Variants in LPA observed in about 807,000 individuals in gnomAD.
LPA encodes the protein lipoprotein(a).
A neutral mutation model predicts 197.9 loss-of-function variants in LPA; 199 were observed. That is an observed-to-expected ratio of 1.01 (90% CI 0.90 to 1.13). The LOEUF (loss-of-function observed/expected upper bound fraction) is 1.13, where lower values mean the gene tolerates loss of function less well. Among genes scored for constraint, LPA ranks in the 50% most tolerant of loss-of-function variants. The pLI, the probability that LPA is intolerant of heterozygous loss-of-function variation, is 0.00. For synonymous variants in LPA, 715 were observed against 639.5 expected (o/e 1.12, Z -1.78); for missense variants, 1,853 against 1,785.8 (o/e 1.04, Z -0.68).
At chr6:160,663,768 A>G (rs901420693) in intron 1 of LPA, among the ~76,000 whole-genome samples, 2 of 152,228 alleles carry the variant, frequency 1.3e-5, no homozygotes, top group African/African-American at 4.8e-5. Context: ...GAGTTATTTC[A>G]TTGTTTCAAC....
chr6:160,661,069 C>A (rs1445417563), intron 1 of LPA, among the ~76,000 whole-genome samples: 1 of 150,008 alleles, frequency 6.7e-6, no homozygotes, highest in Non-Finnish European at 1.5e-5. Flanking sequence ...ACTGAGCATC[C>A]CCTGTCCTGA....
rs1562354285 is a variant in LPA at position 160,653,951 on chromosome 6, T to TATATATAATATATATTATATATA, written c.50-3477_50-3455dup. Among the ~76,000 whole-genome samples, 8 of 30,640 alleles carry TATATATAATATATATTATATATA rather than the reference T, an allele frequency of 2.6e-4. 1 individual carries two copies. Among genetic ancestry groups the TATATATAATATATATTATATATA allele is most frequent in the Non-Finnish European group, 3.6e-4 (6 of 16,638 alleles). The allele number at this position is 30,640 out of a possible 152,430, so 20.1% of individuals were successfully genotyped here. A position where few individuals can be genotyped will look rare whatever the true frequency, so the allele number is the denominator to read the frequency against. On this transcript the variant is annotated intron_variant, in intron 1 of 38. Coordinates refer to ENST00000316300, the MANE Select transcript of LPA (RefSeq NM_005577.4). ...GGATATATATATATTTTATATATATTATATATAATATATATTATATATAAT... is the reference window on the plus strand; with the variant it reads ...GGATATATATATATTTTATATATATTATATATAATATATATTATATATAATATATAATATATATTATATATAAT...
intron 34 of LPA, among the ~76,000 whole-genome samples, chr6:160,541,383 A>T (rs1333210347): frequency 6.6e-6 from 1 of 152,204 alleles, no homozygotes; most frequent in South Asian, 2.1e-4. Context: ...CATCTGTGCC[A>T]CTTTTTTTGA....
intron 1 of LPA, among the ~76,000 whole-genome samples, chr6:160,659,211 G>C (rs1489357075): frequency 1.3e-5 from 2 of 152,160 alleles, no homozygotes; most frequent in Non-Finnish European, 1.5e-5. Flanking sequence ...TCTACAGCTT[G>C]GGGGCAGCAG....
chr6:160,609,552 C>T (rs558127686), intron 16 of LPA, among the ~76,000 whole-genome samples: 2 of 151,862 alleles, frequency 1.3e-5, no homozygotes, highest in East Asian at 1.9e-4. Context: ...CTATTTGATC[C>T]CTTTAGTTTC....
chr6:160,606,466 AG>A lies in LPA; in HGVS notation c.2785+10del. 6.2e-7 allele frequency: 1 copy of A among 1,613,240 alleles called. No individual in the cohort carries two copies. Among genetic ancestry groups the A allele is most frequent in the Non-Finnish European group, 8.5e-7 (1 of 1,179,726 alleles). ...TCGAAACGTGTAGGTTTCTGGCCAC[AG>A]GCTCCTTACCTTGTTCAGAAGGAGC... On this transcript the variant is annotated intron_variant, in intron 17 of 38. Transcript: ENST00000316300.
intron 28 of LPA, among the ~76,000 whole-genome samples, chr6:160,562,814 G>A (rs982298000): frequency 6.6e-6 from 1 of 152,120 alleles, no homozygotes; most frequent in Non-Finnish European, 1.5e-5. Context: ...ATGTGTCCAG[G>A]AATTTATCCA....
Position 160,604,326 on chromosome 6 carries a change from CT to C in LPA, c.2945+719del, listed in dbSNP as rs137912282. 3.9e-3 allele frequency among the ~76,000 whole-genome samples: 588 copies of C among 152,302 alleles called. 5 individuals are homozygous for C. Among genetic ancestry groups the C allele is most frequent in the African/African-American group, 0.013 (560 of 41,570 alleles). ...TATGGAGTTGATCTCATTGTTCCCC[CT>C]GTCACTATTCTTTTGGTCCACTACT... On this transcript the variant is annotated intron_variant, in intron 18 of 38. Coordinates refer to ENST00000316300, the MANE Select transcript of LPA (RefSeq NM_005577.4).
At chr6:160,535,344 A>T (rs1777873836) in intron 37 of LPA, among the ~76,000 whole-genome samples, 1 of 138,178 alleles carries the variant, frequency 7.2e-6, no homozygotes, top group South Asian at 2.4e-4. Context: ...GGTGATGGTG[A>T]TGTTGGTAGT....
intron 33 of LPA, among the ~76,000 whole-genome samples, chr6:160,544,977 T>C (rs573943421): frequency 3.9e-5 from 6 of 152,262 alleles, no homozygotes; most frequent in Admixed American, 1.3e-4. Flanking sequence ...GCACTACCCT[T>C]CATTGATTTC....
chr6:160,556,252 C>A, intron 29 of LPA, 68 bp from the exon 30 acceptor site: 2 of 1,447,598 alleles, frequency 1.4e-6, no homozygotes, highest in Non-Finnish European at 1.9e-6. Context: ...ATTTATGACA[C>A]AAACAGGACA....
chr6:160,607,054 T>C (rs1365568805), intron 16 of LPA, among the ~76,000 whole-genome samples: 1 of 152,030 alleles, frequency 6.6e-6, no homozygotes, highest in Non-Finnish European at 1.5e-5. Flanking sequence ...ATTTATCTAG[T>C]TCTCCGTATC....
intron 28 of LPA, among the ~76,000 whole-genome samples, chr6:160,564,730 G>A (rs1778421047): frequency 6.6e-6 from 1 of 152,142 alleles, no homozygotes; most frequent in Non-Finnish European, 1.5e-5. Flanking sequence ...AAGGGGTCAG[G>A]GAATTCCCTT....
rs780746554 is a variant in LPA, at chr6:160,599,527, C to A, written c.3260G>T (p.Ser1087Ile). Reference sequence around the variant, plus strand: ...ATTTGGGTAGTTTTCTGGGGTCCGACTATGCTGGTGTGGTGTCATAGATGA... The same window carrying A: ...ATTTGGGTAGTTTTCTGGGGTCCGAATATGCTGGTGTGGTGTCATAGATGA... ...AWSSMTPHQH[S>I]RTPENYPNAG... Residue 1087 changes from serine (S) to isoleucine (I), a missense_variant, in exon 20 of 39, where the codon AGT becomes ATT. By Grantham distance (142) the Ser-to-Ile change is moderately radical. Coordinates refer to ENST00000316300, the MANE Select transcript of LPA (RefSeq NM_005577.4). 9.9e-6 allele frequency: 16 copies of A among 1,613,896 alleles called. No homozygotes were observed. The highest frequency in any genetic ancestry group is 1.7e-5 in the Admixed American group (1 of 59,996).
At chr6:160,585,273 AC>A (rs1336333735) in intron 25 of LPA, 68 bp from the exon 26 acceptor site, 5 of 1,473,110 alleles carry the variant, frequency 3.4e-6, no homozygotes, top group Non-Finnish European at 4.8e-6. Flanking sequence ...AAATTATGAC[AC>A]ACAAAGTGGA....
In LPA at chr6:160,542,061, C is replaced by T. The variant is rs748901468; in HGVS notation, c.5519+627G>A. Among the ~76,000 whole-genome samples the T allele has an allele frequency of 4.9e-4, 74 of 152,122 alleles. 1 individual carries two copies. Among genetic ancestry groups the T allele is most frequent in the Non-Finnish European group, 8.8e-5 (6 of 68,034 alleles). On this transcript the variant is annotated intron_variant, in intron 34 of 38. Transcript: ENST00000316300. ...AACATGCAGGCAGATGGGTCTGTGT[C>T]CTATGTGTTCTTCCTAAGAGACACC...
chr6:160,611,810 A>C, intron 15 of LPA, 89 bp from the exon 16 acceptor site: 1 of 1,133,732 alleles, frequency 8.8e-7, no homozygotes, highest in Non-Finnish European at 1.2e-6. Context: ...AAAGGAGTCT[A>C]TGAGAATTAT....
chr6:160,582,001 C>G (rs1778810529), intron 26 of LPA, among the ~76,000 whole-genome samples: 1 of 152,034 alleles, frequency 6.6e-6, no homozygotes, highest in African/African-American at 2.4e-5. Context: ...TATTTTTCTT[C>G]TACTTACATA....
At chr6:160,600,516 T>C (rs1252308946) in intron 19 of LPA, among the ~76,000 whole-genome samples, 2 of 152,186 alleles carry the variant, frequency 1.3e-5, no homozygotes, top group Admixed American at 6.5e-5. Context: ...TAGAGCCACA[T>C]TTCTCGGAAT....
Sources: gnomAD v4.1 joint callset for allele counts (sites outside exome capture counted in the v4.1 genomes callset) on GRCh38, gnomAD v4.1.1 for gene constraint, MANE v1.5 for transcripts, NCBI Gene and HGNC (gene_info 2026-07-23, HGNC 2026-07-21) for gene names.